The following TRAPPC6B variants were observed in gnomAD, a reference collection of about 807,000 sequenced individuals.
The protein encoded by TRAPPC6B is TRAPP complex subunit 6B.
A neutral mutation model predicts 24.7 loss-of-function variants in TRAPPC6B; 27 were observed. The ratio of observed to expected loss-of-function variants is 1.09; its 90% CI spans 0.81 to 1.51. The LOEUF (loss-of-function observed/expected upper bound fraction) is 1.51. Ranked by LOEUF, TRAPPC6B falls within the 40% of genes most tolerant of loss-of-function variation. TRAPPC6B has a pLI of 0.00. For synonymous variants in TRAPPC6B, 80 were observed against 66.6 expected, an observed-to-expected ratio of 1.20 and a Z score of -0.98; for missense variants, 212 against 190.8, an observed-to-expected ratio of 1.11 and a Z score of -0.66.
intron 1 of TRAPPC6B, among the ~76,000 whole-genome samples, chr14:39,166,791 C>T (rs2053112855): frequency 6.6e-6 from 1 of 151,952 alleles, no homozygotes; most frequent in Non-Finnish European, 1.5e-5. Flanking sequence ...TTTCGGATGA[C>T]TCCAACTGGT....
intron 1 of TRAPPC6B, among the ~76,000 whole-genome samples, chr14:39,162,342 A>T (rs1324450160): frequency 1.3e-5 from 2 of 150,546 alleles, no homozygotes; most frequent in Non-Finnish European, 2.9e-5. Context: ...TTTTTTTAAG[A>T]GATGGGATCT....
At chr14:39,159,656 C>CT in intron 1 of TRAPPC6B, 106 bp from the exon 2 acceptor site, 1 of 700,132 alleles carries the variant, frequency 1.4e-6, no homozygotes, top group Non-Finnish European at 2.2e-6. Flanking sequence ...AACATTTATA[C>CT]TTTTTTCCCT....
At chr14:39,165,639 A>G (rs2053100399) in intron 1 of TRAPPC6B, among the ~76,000 whole-genome samples, 1 of 151,650 alleles carries the variant, frequency 6.6e-6, no homozygotes, top group Non-Finnish European at 1.5e-5. Flanking sequence ...TACAAAAAAA[A>G]ATTTTTTTAA....
chr14:39,159,093 A>T (rs2053022266), intron 2 of TRAPPC6B: 1 of 153,240 alleles, frequency 6.5e-6, no homozygotes, highest in South Asian at 2.1e-4. Context: ...AAGTTCAAAG[A>T]TAATTACACG....
intron 4 of TRAPPC6B, among the ~76,000 whole-genome samples, chr14:39,153,145 A>T (rs1178869707): frequency 6.6e-6 from 1 of 151,952 alleles, no homozygotes; most frequent in Non-Finnish European, 1.5e-5. Context: ...ACAAAAAATT[A>T]GCCAGGCATG....
intron 1 of TRAPPC6B, among the ~76,000 whole-genome samples, chr14:39,166,265 AAAAAC>A (rs1287951306): frequency 5.2e-4 from 66 of 125,914 alleles, no homozygotes; most frequent in Admixed American, 1.5e-3. Flanking sequence ...TAAAAAAAAA[AAAAAC>A]AAAAAAACAA....
intron 3 of TRAPPC6B, chr14:39,157,280 T>C: frequency 2.7e-6 from 1 of 376,456 alleles, no homozygotes; most frequent in Non-Finnish European, 5.1e-6. Context: ...TGTAAGCAGC[T>C]GAAAGTGCCT....
At chr14:39,163,281 G>C (rs933968924) in intron 1 of TRAPPC6B, among the ~76,000 whole-genome samples, 1 of 148,602 alleles carries the variant, frequency 6.7e-6, no homozygotes, top group Non-Finnish European at 1.5e-5. Flanking sequence ...TGAGGCAGGA[G>C]AAACGCTTGA....
At chr14:39,167,258 T>G (rs1384336972) in intron 1 of TRAPPC6B, among the ~76,000 whole-genome samples, 5 of 152,230 alleles carry the variant, frequency 3.3e-5, no homozygotes, top group African/African-American at 1.2e-4. Context: ...TTTAAGAGAA[T>G]TCCTCTTTAA....
intron 4 of TRAPPC6B, among the ~76,000 whole-genome samples, chr14:39,153,110 G>A (rs1021607550): frequency 2.0e-5 from 3 of 152,056 alleles, no homozygotes; most frequent in African/African-American, 7.2e-5. Context: ...CGCCAACATG[G>A]TGAAACCCTG....
chr14:39,159,589 G>T, intron 1 of TRAPPC6B, 39 bp from the exon 2 acceptor site: 1 of 1,420,554 alleles, frequency 7.0e-7, no homozygotes, highest in Non-Finnish European at 9.7e-7. Context: ...CTTTTAGAAT[G>T]CTAGGATGTT....
chr14:39,168,389 C>T (rs562186182), intron 1 of TRAPPC6B, among the ~76,000 whole-genome samples: 30 of 151,952 alleles, frequency 2.0e-4, no homozygotes, highest in African/African-American at 6.8e-4. Flanking sequence ...AAACAGTAAA[C>T]CTTGAGGTCA....
intron 3 of TRAPPC6B, 102 bp from the exon 4 acceptor site, chr14:39,154,396 A>T (rs770411764): frequency 1.3e-6 from 1 of 759,746 alleles, no homozygotes; most frequent in Non-Finnish European, 2.1e-6. Context: ...AAAGTTATTA[A>T]AAGTCTCCTT....
intron 1 of TRAPPC6B, among the ~76,000 whole-genome samples, chr14:39,163,529 C>A (rs911250042): frequency 1.3e-5 from 2 of 150,796 alleles, no homozygotes; most frequent in African/African-American, 2.5e-5. Flanking sequence ...ATACTCAGTC[C>A]CACTTCCTTG....
chr14:39,163,956 T>C (rs1278414409), intron 1 of TRAPPC6B, among the ~76,000 whole-genome samples: 2 of 150,824 alleles, frequency 1.3e-5, no homozygotes, highest in Non-Finnish European at 2.9e-5. Flanking sequence ...CCAGAAAACT[T>C]CCATTTTCTT....
At chr14:39,158,497 TG>T in intron 2 of TRAPPC6B, 95 bp from the exon 3 acceptor site, 1 of 727,990 alleles carries the variant, frequency 1.4e-6, no homozygotes, top group Non-Finnish European at 2.3e-6. Flanking sequence ...AGAACAGCAC[TG>T]AACATTTATT....
chr14:39,151,976 T>A, intron 4 of TRAPPC6B, 137 bp from the exon 5 acceptor site: 1 of 616,916 alleles, frequency 1.6e-6, no homozygotes, highest in Non-Finnish European at 2.7e-6. Context: ...CTGTTCAAAT[T>A]ACTGAAAAAT....
intron 2 of TRAPPC6B, 26 bp from the exon 3 acceptor site, chr14:39,158,428 C>T (rs768273663): frequency 3.0e-6 from 4 of 1,321,184 alleles, no homozygotes; most frequent in East Asian, 4.7e-5. Context: ...AGAAGTAATA[C>T]AGTATTTCTC....
At position 39,148,031 on chromosome 14, in the gene TRAPPC6B, A is replaced by C. The variant is rs1435724348; in HGVS notation, c.*2319T>G. ...CAATATAAAGAATATCTCACATAACAAAAAGTCCAAAGGTAAAGCAGTTCC... is the reference window on the plus strand; with the variant it reads ...CAATATAAAGAATATCTCACATAACCAAAAGTCCAAAGGTAAAGCAGTTCC... On this transcript the variant is annotated 3_prime_UTR_variant, in exon 6 of 6. Transcript: ENST00000330149. 1 of 152,244 alleles carries C rather than the reference A, an allele frequency of 6.6e-6. No individual in the cohort carries two copies. Among genetic ancestry groups the C allele is most frequent in the African/African-American group, 2.4e-5 (1 of 41,464 alleles). 9.4% of individuals were successfully genotyped at this position (152,244 alleles called of 1,614,324 possible).
Sources: allele counts gnomAD v4.1 joint callset (sites outside exome capture counted in the v4.1 genomes callset), GRCh38; gene constraint gnomAD v4.1.1; transcripts MANE v1.5; gene names NCBI Gene and HGNC (gene_info 2026-07-23, HGNC 2026-07-21).